The following ASPH variants were observed in gnomAD, a reference collection of about 807,000 sequenced individuals.
ASPH encodes the protein aspartyl/asparaginyl beta-hydroxylase.
ASPH carries 100 observed loss-of-function variants against 118.4 expected under a neutral mutation model. The ratio of observed to expected loss-of-function variants is 0.84; its 90% CI spans 0.72 to 1.00. The LOEUF is 1.00. Among genes scored for constraint, ASPH ranks in the 50% least tolerant of loss-of-function variants. The probability of loss-of-function intolerance (pLI) is 0.00; values close to 1 mark genes in which losing one functional copy is unlikely to be tolerated. For synonymous variants in ASPH, 315 were observed against 325.6 expected (o/e 0.97, Z 0.35); for missense variants, 920 against 919.5 (o/e 1.00, Z -0.01).
At chr8:61,707,671 G>GA (rs939774349) in intron 1 of ASPH, among the ~76,000 whole-genome samples, 1 of 152,120 alleles carries the variant, frequency 6.6e-6, no homozygotes, top group African/African-American at 2.4e-5. Context: ...TTATTTGAAA[G>GA]AAAAAAAGTG....
intron 22 of ASPH, among the ~76,000 whole-genome samples, chr8:61,522,614 C>T (rs922376490): frequency 2.1e-4 from 32 of 152,234 alleles, no homozygotes; most frequent in African/African-American, 7.2e-4. Context: ...TTAGTTCTCA[C>T]GAGATCTGAT....
At chr8:61,670,595 A>G (rs1004429133) in intron 3 of ASPH, among the ~76,000 whole-genome samples, 1 of 152,090 alleles carries the variant, frequency 6.6e-6, no homozygotes, top group South Asian at 2.1e-4. Flanking sequence ...AAAAGGAAAA[A>G]GTTTGAAGAA....
chr8:61,658,496 C>T (rs1043215488), intron 3 of ASPH: 10 of 152,130 alleles, frequency 6.6e-5, no homozygotes, highest in Admixed American at 4.6e-4. Context: ...AGTTCAGGCA[C>T]CTGGGACAAG....
intron 20 of ASPH, among the ~76,000 whole-genome samples, chr8:61,550,565 G>GCTGTCATA (rs1563784512): frequency 6.6e-6 from 1 of 152,138 alleles, no homozygotes; most frequent in Non-Finnish European, 1.5e-5. Flanking sequence ...TGTGGAATGG[G>GCTGTCATA]CTGTCATAAG....
At chr8:61,607,456 T>C in intron 14 of ASPH, 2 of 570,606 alleles carry the variant, frequency 3.5e-6, no homozygotes, top group East Asian at 2.9e-5. Context: ...ACTCAACAAA[T>C]GTATTTATAA....
intron 3 of ASPH, among the ~76,000 whole-genome samples, chr8:61,667,649 G>A (rs761764550): frequency 1.3e-5 from 2 of 152,196 alleles, no homozygotes; most frequent in African/African-American, 2.4e-5. Flanking sequence ...ACAGGCGTGA[G>A]CCACCGTGCC....
intron 1 of ASPH, among the ~76,000 whole-genome samples, chr8:61,711,645 T>A (rs1447587401): frequency 1.3e-5 from 2 of 151,376 alleles, no homozygotes; most frequent in African/African-American, 2.4e-5. Context: ...CAAGATAAAG[T>A]TTGGCCAGGA....
intron 12 of ASPH, among the ~76,000 whole-genome samples, chr8:61,634,154 T>C (rs1856798327): frequency 6.6e-6 from 1 of 152,224 alleles, no homozygotes; most frequent in African/African-American, 2.4e-5. Flanking sequence ...TAATATATTC[T>C]GAGACTAGTC....
intron 21 of ASPH, among the ~76,000 whole-genome samples, chr8:61,527,997 A>C (rs1816108634): frequency 6.6e-6 from 1 of 152,148 alleles, no homozygotes; most frequent in African/African-American, 2.4e-5. Flanking sequence ...ATGGCCTCTT[A>C]GTTCTGCTTT....
At position 61,538,256 on chromosome 8, in the gene ASPH, T is replaced by C. The variant is rs914326782; in HGVS notation, c.1764+9815A>G. On this transcript the variant is annotated intron_variant, in intron 21 of 24. Coordinates refer to ENST00000379454, the MANE Select transcript of ASPH (RefSeq NM_004318.4). ...CCCTTTTAAAAAGTTCACCGTTAAA[T>C]CATGTAATTATCAAACTCCACACTC... 2.6e-5 allele frequency among the ~76,000 whole-genome samples: 4 copies of C among 152,190 alleles called. No individual in the cohort carries two copies. In the South Asian group the frequency reaches 8.3e-4, roughly 32 times the overall value.
chr8:61,525,667 C>G (rs1242557646), intron 22 of ASPH, among the ~76,000 whole-genome samples: 1 of 152,184 alleles, frequency 6.6e-6, no homozygotes, highest in Non-Finnish European at 1.5e-5. Context: ...TATGCCTACA[C>G]AGTAGGGTTA....
intron 14 of ASPH, among the ~76,000 whole-genome samples, chr8:61,612,847 T>C (rs909530741): frequency 1.3e-5 from 2 of 152,240 alleles, no homozygotes; most frequent in Non-Finnish European, 2.9e-5. Context: ...AGAACCCATC[T>C]GAAAATAACT....
At chr8:61,527,867 G>A (rs1188310774) in intron 21 of ASPH, among the ~76,000 whole-genome samples, 1 of 152,216 alleles carries the variant, frequency 6.6e-6, no homozygotes, top group African/African-American at 2.4e-5. Context: ...TTGGTGGTCA[G>A]ATGGAGGAAT....
intron 24 of ASPH, among the ~76,000 whole-genome samples, chr8:61,516,705 G>T (rs1472532432): frequency 6.6e-6 from 1 of 152,134 alleles, no homozygotes; most frequent in Non-Finnish European, 1.5e-5. Context: ...AACTAAATTG[G>T]ATCTTAGTAA....
At chr8:61,569,915 T>G (rs1832939847) in intron 16 of ASPH, among the ~76,000 whole-genome samples, 1 of 152,200 alleles carries the variant, frequency 6.6e-6, no homozygotes. Context: ...CTCTTCTGTA[T>G]AGGTATCAGC....
At chr8:61,537,419 G>A (rs535447037) in intron 21 of ASPH, among the ~76,000 whole-genome samples, 2 of 152,302 alleles carry the variant, frequency 1.3e-5, no homozygotes, top group African/African-American at 4.8e-5. Context: ...ACCCAGGCTG[G>A]AGGGCAGTGG....
intron 18 of ASPH, among the ~76,000 whole-genome samples, chr8:61,556,372 A>G (rs1827868476): frequency 6.6e-6 from 1 of 152,262 alleles, no homozygotes; most frequent in Admixed American, 6.5e-5. Context: ...GATCAAGGGA[A>G]AATGGCTTTA....
chr8:61,603,443 A>G (rs1189793014), intron 14 of ASPH, among the ~76,000 whole-genome samples: 2 of 152,188 alleles, frequency 1.3e-5, no homozygotes, highest in African/African-American at 4.8e-5. Flanking sequence ...ACTCTTGTCC[A>G]TTAAGAAATA....
chr8:61,510,472 G>C (rs538903515), intron 24 of ASPH, among the ~76,000 whole-genome samples: 1 of 152,294 alleles, frequency 6.6e-6, no homozygotes, highest in South Asian at 2.1e-4. Flanking sequence ...AAAAGCTTCT[G>C]GGAGCTGACC....
Sources: gnomAD v4.1 joint callset for allele counts (sites outside exome capture counted in the v4.1 genomes callset) on GRCh38, gnomAD v4.1.1 for gene constraint, MANE v1.5 for transcripts, NCBI Gene and HGNC (gene_info 2026-07-23, HGNC 2026-07-21) for gene names.